Variants in PRR29 observed in about 807,000 individuals in gnomAD.
PRR29 encodes proline-rich protein 29.
In PRR29, 20 loss-of-function variants were observed where a neutral mutation model predicts 25.1. The observed-to-expected ratio is 0.80, with a 90% CI of 0.56 to 1.16. PRR29 has a LOEUF of 1.16. Among genes scored for constraint, PRR29 ranks in the 50% most tolerant of loss-of-function variants. PRR29 has a pLI of 0.00. For missense variants in PRR29, 238 were observed against 246.6 expected (o/e 0.97, Z 0.23); for synonymous variants, 108 against 102.6 (o/e 1.05, Z -0.32).
chr17:64,002,149 A>AGG lies in PRR29; in HGVS notation c.*394_*395dup. ...CAGCCTAGTAATGGAGCAAGAGGGGAGGGGGGGATTCCTTCTGCTTTCCAC... is the reference window on the plus strand; with the variant it reads ...CAGCCTAGTAATGGAGCAAGAGGGGAGGGGGGGGGATTCCTTCTGCTTTCCAC... On this transcript the variant is annotated 3_prime_UTR_variant, in exon 6 of 6. Transcript: ENST00000412177. 2 of 798,580 alleles carry AGG rather than the reference A, an allele frequency of 2.5e-6. No homozygotes were observed. The highest frequency in any genetic ancestry group is 1.8e-5 in the South Asian group (1 of 54,530). 49.5% of individuals were successfully genotyped at this position (798,580 alleles called of 1,614,324 possible). A position where few individuals can be genotyped will look rare whatever the true frequency, so the allele number is the denominator to read the frequency against.
In PRR29 at chr17:64,001,808, A is replaced by G. The variant is rs1910788079; in HGVS notation, c.*47A>G. 6.5e-7 allele frequency: 1 copy of G among 1,537,050 alleles called. No individual in the cohort carries two copies. The highest frequency in any genetic ancestry group is 8.7e-7 in the Non-Finnish European group (1 of 1,146,854). On this transcript the variant is annotated 3_prime_UTR_variant, in exon 6 of 6. Transcript: ENST00000412177. The stretch of plus-strand genomic sequence containing the variant: ...ACTGCACCAGCTTCCTGCTCTGGAT[A>G]CAGCCCCGGAGCCGCCTCCTGCACC...
rs1457387837 is a variant in PRR29 at position 64,003,995 on chromosome 17, A to G, written c.*2234A>G. The G allele has an allele frequency of 1.3e-6, 2 of 1,530,100 alleles. No individual in the cohort carries two copies. The highest frequency in any genetic ancestry group is 4.7e-5 in the East Asian group (2 of 42,342). 94.8% of individuals were successfully genotyped at this position (1,530,100 alleles called of 1,614,324 possible). A position where few individuals can be genotyped will look rare whatever the true frequency, so the allele number is the denominator to read the frequency against. The stretch of plus-strand genomic sequence containing the variant: ...GGGGACAAAGGAGGGAGGTCTGGTC[A>G]GGATGGGGGTGCAGTCCCAGCAGCC... On this transcript the variant is annotated 3_prime_UTR_variant, in exon 6 of 6. Coordinates refer to ENST00000412177, the MANE Select transcript of PRR29 (RefSeq NM_001164257.2).
At chr17:64,001,633 T>C (rs971959587) in intron 5 of PRR29, 96 bp downstream of exon 5, 9 of 1,500,848 alleles carry the variant, frequency 6.0e-6, no homozygotes, top group South Asian at 1.3e-5. Context: ...GGGGGTTTCC[T>C]AACATCACTG....
Position 64,003,645 on chromosome 17 carries a change from A to G in PRR29, c.*1884A>G. ...CTCCATCCACGGATCCCCCCTCACC[A>G]TAGATCTCCAACATCTTCGGGGCTG... On this transcript the variant is annotated 3_prime_UTR_variant, in exon 6 of 6. Coordinates refer to ENST00000412177, the MANE Select transcript of PRR29 (RefSeq NM_001164257.2). 6.2e-7 allele frequency: 1 copy of G among 1,612,144 alleles called. No individual in the cohort carries two copies. The highest frequency in any genetic ancestry group is 8.5e-7 in the Non-Finnish European group (1 of 1,178,838).
intron 1 of PRR29, 92 bp downstream of exon 1, chr17:63,998,516 G>A (rs1010986298): frequency 1.9e-5 from 25 of 1,351,110 alleles, no homozygotes; most frequent in South Asian, 5.9e-5. Context: ...CTGGAGGGGT[G>A]GGGGACGAGG....
chr17:64,002,994 G>T lies in PRR29; in HGVS notation c.*1233G>T. On this transcript the variant is annotated 3_prime_UTR_variant, in exon 6 of 6. Transcript: ENST00000412177. The stretch of plus-strand genomic sequence containing the variant: ...AGTTACCAGGGACCAAAAGGGAGTG[G>T]AAGTCCACCCCCAACCCAGACCCCC... The T allele has an allele frequency of 6.8e-7, 1 of 1,481,330 alleles. No individual in the cohort carries two copies. 91.8% of individuals were successfully genotyped at this position (1,481,330 alleles called of 1,614,324 possible).
Position 64,002,916 on chromosome 17 carries a change from GACA to G in PRR29, c.*1156_*1158del, listed in dbSNP as rs762174737. 4.3e-6 allele frequency: 7 copies of G among 1,613,212 alleles called. No homozygotes were observed. The highest frequency in any genetic ancestry group is 5.9e-6 in the Non-Finnish European group (7 of 1,179,668). ...GACTATGATGACCATCTGGCTGTCC[GACA>G]CAGGCTCTGGGGAGGGAGGGGGCAA... On this transcript the variant is annotated 3_prime_UTR_variant, in exon 6 of 6. Transcript: ENST00000412177.
At chr17:63,999,149 G>C (rs3181027) in intron 3 of PRR29, 75 bp downstream of exon 3, 2 of 1,154,104 alleles carry the variant, frequency 1.7e-6, no homozygotes, top group Non-Finnish European at 2.5e-6. Context: ...TTCCTGTTCA[G>C]GGGGGAAAAG....
At chr17:63,999,385 G>A (rs1910415035) in intron 3 of PRR29, 2 of 461,196 alleles carry the variant, frequency 4.3e-6, no homozygotes, top group Middle Eastern at 5.9e-4. Flanking sequence ...TGCATCATGA[G>A]CGTCTGGCCT....
chr17:64,003,644 C>T lies in PRR29; in HGVS notation c.*1883C>T. The T allele has an allele frequency of 6.2e-7, 1 of 1,611,892 alleles. No homozygotes were observed. The highest frequency in any genetic ancestry group is 8.5e-7 in the Non-Finnish European group (1 of 1,178,682). On this transcript the variant is annotated 3_prime_UTR_variant, in exon 6 of 6. Coordinates refer to ENST00000412177, the MANE Select transcript of PRR29 (RefSeq NM_001164257.2). The stretch of plus-strand genomic sequence containing the variant: ...ACTCCATCCACGGATCCCCCCTCAC[C>T]ATAGATCTCCAACATCTTCGGGGCT...
rs1910846940 is a variant in PRR29, at chr17:64,002,543, C to T, written c.*782C>T. 5.2e-6 allele frequency: 3 copies of T among 577,600 alleles called. No homozygotes were observed. The East Asian group carries it at 8.6e-5, about 17-fold the overall frequency. The allele number at this position is 577,600 out of a possible 1,614,324, so 35.8% of individuals were successfully genotyped here. ...TAGGGAGAGGGGTCCCCCATGGTGG[C>T]TCCCCTCCCTGGCCATTGTTATCCC... is the stretch of plus-strand genomic sequence containing the variant. On this transcript the variant is annotated 3_prime_UTR_variant, in exon 6 of 6. Coordinates refer to ENST00000412177, the MANE Select transcript of PRR29 (RefSeq NM_001164257.2).
chr17:64,001,572 C>A (rs1206581730), intron 5 of PRR29, 35 bp downstream of exon 5: 1 of 1,495,122 alleles, frequency 6.7e-7, no homozygotes, highest in Admixed American at 2.3e-5. Context: ...GGGCCCAGGC[C>A]TGGGAGTGAA....
chr17:64,001,665 C>G, intron 5 of PRR29, 68 bp from the exon 6 acceptor site: 1 of 1,525,856 alleles, frequency 6.6e-7, no homozygotes, highest in Non-Finnish European at 8.8e-7. Flanking sequence ...TGGCCTGTCC[C>G]CTTCCCTTTA....
In PRR29 at chr17:64,003,031, C is replaced by T. The variant is rs891758621; in HGVS notation, c.*1270C>T. The T allele has an allele frequency of 1.3e-5, 12 of 901,508 alleles. No individual in the cohort carries two copies. The highest frequency in any genetic ancestry group is 3.3e-5 in the African/African-American group (2 of 59,826). 55.8% of individuals were successfully genotyped at this position (901,508 alleles called of 1,614,324 possible). ...CAACCCAGACCCCCAGACCCCGCCG[C>T]CCGCTCATGCATCCAGCAGTCACCC... On this transcript the variant is annotated 3_prime_UTR_variant, in exon 6 of 6. Coordinates refer to ENST00000412177, the MANE Select transcript of PRR29 (RefSeq NM_001164257.2).
rs1281161742 is a variant in PRR29 at position 64,001,487 on chromosome 17, C to T, written c.491C>T (p.Pro164Leu). The change falls in exon 5 of 6, where the codon CCA becomes CTA. Residue 164 changes from proline to leucine, a missense_variant. Coordinates refer to ENST00000412177, the MANE Select transcript of PRR29 (RefSeq NM_001164257.2). ...EREVRAVPPP[P>L]PPSATGTVGA... ...CTCAGGAGAGCTGTGCCCCCACCCC[C>T]ACCCCCCAGTGCCACAGGGACTGTG... is the stretch of plus-strand genomic sequence containing the variant. 1 of 1,482,206 alleles carries T rather than the reference C, an allele frequency of 6.7e-7. No homozygotes were observed. Among genetic ancestry groups the T allele is most frequent in the Non-Finnish European group, 8.9e-7 (1 of 1,123,444 alleles). The allele number at this position is 1,482,206 out of a possible 1,614,324, so 91.8% of individuals were successfully genotyped here.
intron 1 of PRR29, 55 bp from the exon 2 acceptor site, chr17:63,998,652 C>A: frequency 9.2e-7 from 1 of 1,083,662 alleles, no homozygotes; most frequent in Non-Finnish European, 1.4e-6. Flanking sequence ...GGGCTCGCGA[C>A]GTGTCCCCAT....
intron 1 of PRR29, 125 bp from the exon 2 acceptor site, chr17:63,998,582 G>A (rs1452064475): frequency 2.6e-5 from 29 of 1,105,192 alleles, no homozygotes; most frequent in Non-Finnish European, 3.6e-5. Flanking sequence ...GAGGCCGCGG[G>A]GCGGGGAGGA....
Position 64,000,326 on chromosome 17 carries a change from T to C in PRR29, c.244-758T>C, listed in dbSNP as rs62070904. Reference sequence around the variant, plus strand: ...AAACACAACCCATTCTTTTTTTCTTTTCTTTTCTTTTTCTTTTTTTTGAGA... The same window carrying C: ...AAACACAACCCATTCTTTTTTTCTTCTCTTTTCTTTTTCTTTTTTTTGAGA... On this transcript the variant is annotated intron_variant, in intron 3 of 5. Transcript: ENST00000412177. 5.5e-3 allele frequency among the ~76,000 whole-genome samples: 839 copies of C among 152,332 alleles called. 1 individual carries two copies. Among genetic ancestry groups the C allele is most frequent in the Non-Finnish European group, 8.1e-3 (549 of 68,032 alleles).
intron 1 of PRR29, 21 bp downstream of exon 1, chr17:63,998,445 C>A: frequency 1.4e-6 from 2 of 1,464,804 alleles, no homozygotes; most frequent in Non-Finnish European, 1.8e-6. Context: ...AGCCCGGGAG[C>A]AGATCCTGCC....
Sources: gnomAD v4.1 joint callset for allele counts (sites outside exome capture counted in the v4.1 genomes callset) on GRCh38, gnomAD v4.1.1 for gene constraint, MANE v1.5 for transcripts, NCBI Gene and HGNC (gene_info 2026-07-23, HGNC 2026-07-21) for gene names.